SEL1L3: variants seen among roughly 807,000 people sequenced by gnomAD.
SEL1L3 encodes the protein SEL1L family member 3, also known as protein sel-1 homolog 3.
In SEL1L3, 76 loss-of-function variants were observed where a neutral mutation model predicts 142.8. The ratio of observed to expected loss-of-function variants is 0.53; its 90% CI spans 0.44 to 0.64. SEL1L3 has a LOEUF of 0.64. Ranked by LOEUF, SEL1L3 falls within the 30% of genes least tolerant of loss-of-function variation. The pLI is 0.00. For synonymous variants in SEL1L3, 504 were observed against 519.6 expected (o/e 0.97, Z 0.41); for missense variants, 1,262 against 1,381.7 (o/e 0.91, Z 1.37).
intron 2 of SEL1L3, among the ~76,000 whole-genome samples, chr4:25,840,526 G>A (rs897994610): frequency 6.6e-6 from 1 of 152,070 alleles, no homozygotes; most frequent in African/African-American, 2.4e-5. Context: ...ATGCATTTTT[G>A]AAACGAAAAG....
the SEL1L3 span, among the ~76,000 whole-genome samples, chr4:25,735,716 T>A: frequency 6.6e-6 from 1 of 152,064 alleles, no homozygotes; most frequent in African/African-American, 2.4e-5. Context: ...ATTTTATTTT[T>A]TTTTCTTTTT....
intron 2 of SEL1L3, among the ~76,000 whole-genome samples, chr4:25,841,087 C>T (rs1716138577): frequency 6.6e-6 from 1 of 151,514 alleles, no homozygotes; most frequent in East Asian, 1.9e-4. Flanking sequence ...GGCTGGAGTG[C>T]AGTGGCACCA....
the SEL1L3 span, among the ~76,000 whole-genome samples, chr4:25,726,365 T>C: frequency 2.0e-5 from 3 of 151,756 alleles, no homozygotes; most frequent in Non-Finnish European, 4.4e-5. Flanking sequence ...CCGTCTCTAC[T>C]AAAAATACAA....
chr4:25,797,647 C>T (rs1423698571), intron 11 of SEL1L3, among the ~76,000 whole-genome samples: 1 of 152,126 alleles, frequency 6.6e-6, no homozygotes, highest in Non-Finnish European at 1.5e-5. Context: ...AAACACGGGT[C>T]CCCTCGAAAA....
intron 10 of SEL1L3, among the ~76,000 whole-genome samples, chr4:25,802,918 G>T (rs926032103): frequency 6.6e-6 from 1 of 152,118 alleles, no homozygotes; most frequent in African/African-American, 2.4e-5. Flanking sequence ...GCTTTCTATT[G>T]GTTTACAAAT....
intron 1 of SEL1L3, among the ~76,000 whole-genome samples, chr4:25,849,880 A>G (rs1043793175): frequency 6.6e-6 from 1 of 152,224 alleles, no homozygotes; most frequent in African/African-American, 2.4e-5. Flanking sequence ...CAGTGTTCCC[A>G]TCAAACTGTA....
At chr4:25,771,012 C>T (rs1230279838) in intron 17 of SEL1L3, among the ~76,000 whole-genome samples, 1 of 152,228 alleles carries the variant, frequency 6.6e-6, no homozygotes, top group East Asian at 1.9e-4. Context: ...GTTTCAACAG[C>T]TTATTAAAAC....
At chr4:25,819,371 C>T (rs1328693929) in intron 8 of SEL1L3, among the ~76,000 whole-genome samples, 1 of 152,252 alleles carries the variant, frequency 6.6e-6, no homozygotes, top group Non-Finnish European at 1.5e-5. Flanking sequence ...ACAACAAAGT[C>T]ACCATTCAAC....
downstream of SEL1L3, among the ~76,000 whole-genome samples, chr4:25,746,545 A>AATATAT (rs372226693): frequency 5.5e-3 from 681 of 123,918 alleles, 10 homozygotes; most frequent in Non-Finnish European, 6.9e-3. Context: ...TATATATTCA[A>AATATAT]ATGTATATAT....
chr4:25,836,220 A>C (rs936907710), intron 2 of SEL1L3, among the ~76,000 whole-genome samples: 1 of 152,248 alleles, frequency 6.6e-6, no homozygotes, highest in African/African-American at 2.4e-5. Flanking sequence ...AACAAATCTT[A>C]AAGGGAGAAC....
At chr4:25,813,765 G>C (rs1714186280) in intron 9 of SEL1L3, among the ~76,000 whole-genome samples, 1 of 152,190 alleles carries the variant, frequency 6.6e-6, no homozygotes, top group East Asian at 1.9e-4. Context: ...AAGAGGAAAA[G>C]TGTAAATATT....
chr4:25,734,081 T>C, the SEL1L3 span, among the ~76,000 whole-genome samples: 3 of 152,136 alleles, frequency 2.0e-5, no homozygotes, highest in African/African-American at 7.2e-5. Context: ...TGGAGTGCAA[T>C]GGCGTGATCT....
In SEL1L3 at chr4:25,757,669, G is replaced by T; in HGVS notation, c.3186+19C>A. 6.4e-7 allele frequency: 1 copy of T among 1,571,664 alleles called. No individual in the cohort carries two copies. Among genetic ancestry groups the T allele is most frequent in the East Asian group, 2.4e-5 (1 of 42,544 alleles). Reference sequence around the variant, plus strand: ...GGGCAGGGGCCACAAGGGTGGGGCCGGTGGGACATGAAACCTACCAGGGCT... The same window carrying T: ...GGGCAGGGGCCACAAGGGTGGGGCCTGTGGGACATGAAACCTACCAGGGCT... On this transcript the variant is annotated intron_variant, in intron 22 of 23. Coordinates refer to ENST00000399878, the MANE Select transcript of SEL1L3 (RefSeq NM_015187.5).
At chr4:25,802,874 A>C (rs183409058) in intron 10 of SEL1L3, among the ~76,000 whole-genome samples, 15 of 152,174 alleles carry the variant, frequency 9.9e-5, no homozygotes, top group African/African-American at 3.6e-4. Context: ...TTTTTAAAAA[A>C]ATAATAAAAT....
At chr4:25,790,292 C>T (rs1475173528) in intron 12 of SEL1L3, among the ~76,000 whole-genome samples, 163 bp downstream of exon 12, 2 of 152,174 alleles carry the variant, frequency 1.3e-5, no homozygotes, top group Non-Finnish European at 2.9e-5. Context: ...GGGACTGTGA[C>T]AACTATGGCC....
At chr4:25,774,956 GT>G (rs1191671967) in intron 17 of SEL1L3, among the ~76,000 whole-genome samples, 1 of 152,184 alleles carries the variant, frequency 6.6e-6, no homozygotes, top group East Asian at 1.9e-4. Flanking sequence ...GGGGAGGAGT[GT>G]TTACAGGAGT....
rs749812534 is a variant in SEL1L3 at position 25,818,245 on chromosome 4, C to T, written c.1457G>A (p.Arg486His). The part of the protein sequence containing the change: ...HLHNSYLDLQ[R>H]RYGRPSMCRA... ...GCACATCGAGGGTCTCCCATACCTG[C>T]GCTGGAGGTCCAGGTAGGAGTTGTG... The change falls in exon 9 of 24, where the codon CGC becomes CAC. Residue 486 changes from arginine to histidine, a missense_variant. Physicochemically the swap from Arg to His is conservative, Grantham distance 29 (BLOSUM62 0). Coordinates refer to ENST00000399878, the MANE Select transcript of SEL1L3 (RefSeq NM_015187.5). The T allele has an allele frequency of 2.7e-5, 44 of 1,602,182 alleles. No individual in the cohort carries two copies. The highest frequency in any genetic ancestry group is 2.7e-4 in the African/African-American group (20 of 74,814).
At chr4:25,742,617 T>C (rs1052235201), downstream of SEL1L3, among the ~76,000 whole-genome samples, 5 of 152,230 alleles carry the variant, frequency 3.3e-5, no homozygotes, top group African/African-American at 1.2e-4. Flanking sequence ...TTTTTAAATT[T>C]CCTTGATAAA....
At chr4:25,832,972 T>C in intron 5 of SEL1L3, 23 bp downstream of exon 5, 1 of 1,339,290 alleles carries the variant, frequency 7.5e-7, no homozygotes, top group Non-Finnish European at 1.1e-6. Context: ...GTATGTCGTG[T>C]GATGAAGCGT....
Sources: gnomAD v4.1 joint callset for allele counts (sites outside exome capture counted in the v4.1 genomes callset) on GRCh38, gnomAD v4.1.1 for gene constraint, MANE v1.5 for transcripts, NCBI Gene and HGNC (gene_info 2026-07-23, HGNC 2026-07-21) for gene names.